CDC42BPA: variants seen among roughly 807,000 people sequenced by gnomAD.
CDC42BPA encodes the protein CDC42 binding protein kinase alpha.
A neutral mutation model predicts 223.5 loss-of-function variants in CDC42BPA; 80 were observed. The observed-to-expected ratio is 0.36, with a 90% CI of 0.30 to 0.43. The LOEUF (loss-of-function observed/expected upper bound fraction) is 0.43. Ranked by LOEUF, CDC42BPA falls within the 20% of genes least tolerant of loss-of-function variation. CDC42BPA has a pLI of 1.00. For synonymous variants in CDC42BPA, 694 were observed against 718.6 expected, an observed-to-expected ratio of 0.97 and a Z score of 0.55; for missense variants, 1,743 against 2,099.9, an observed-to-expected ratio of 0.83 and a Z score of 3.32.
chr1:227,071,487 G>A (rs1678325657), intron 20 of CDC42BPA, among the ~76,000 whole-genome samples: 1 of 151,708 alleles, frequency 6.6e-6, no homozygotes, highest in Non-Finnish European at 1.5e-5. Flanking sequence ...CAGCTATGAA[G>A]CACTCTGACT....
intron 15 of CDC42BPA, among the ~76,000 whole-genome samples, chr1:227,092,868 G>A (rs1683330691): frequency 6.6e-6 from 1 of 152,066 alleles, no homozygotes; most frequent in South Asian, 2.1e-4. Flanking sequence ...CTGAGAGGCA[G>A]CTAGCTGCAG....
intron 4 of CDC42BPA, among the ~76,000 whole-genome samples, chr1:227,194,140 A>T (rs1470259946): frequency 1.3e-5 from 2 of 152,202 alleles, no homozygotes; most frequent in Non-Finnish European, 2.9e-5. Flanking sequence ...AAATTTTTAA[A>T]GACTGGGGCA....
In CDC42BPA at chr1:227,317,790, G is replaced by A. The variant is rs1489395302; in HGVS notation, c.-608C>T. 1.8e-5 allele frequency: 7 copies of A among 398,576 alleles called. No homozygotes were observed. The highest frequency in any genetic ancestry group is 1.4e-4 in the African/African-American group (7 of 48,648). The allele number at this position is 398,576 out of a possible 1,614,324, so 24.7% of individuals were successfully genotyped here. A position where few individuals can be genotyped will look rare whatever the true frequency, so the allele number is the denominator to read the frequency against. ...AAAGGGAGGGGGCGAGGTCCCTGAA[G>A]CAGCCCCTCGGCTCGGAGCACGCCA... On this transcript the variant is annotated 5_prime_UTR_variant, in exon 1 of 37. Transcript: ENST00000366766.
At chr1:227,016,320 G>A (rs1250762381) in intron 33 of CDC42BPA, 123 bp from the exon 34 acceptor site, 1 of 672,570 alleles carries the variant, frequency 1.5e-6, no homozygotes, top group Non-Finnish European at 2.6e-6. Flanking sequence ...TAAGAATATA[G>A]AGTAACAGAA....
intron 16 of CDC42BPA, among the ~76,000 whole-genome samples, chr1:227,083,098 G>C (rs555337077): frequency 6.6e-6 from 1 of 152,134 alleles, no homozygotes; most frequent in South Asian, 2.1e-4. Context: ...GTTTCTCATA[G>C]GTTTGGAAAA....
intron 1 of CDC42BPA, among the ~76,000 whole-genome samples, chr1:227,275,253 C>A (rs1686725946): frequency 1.3e-5 from 2 of 151,526 alleles, no homozygotes; most frequent in South Asian, 4.2e-4. Context: ...AAGCAGAGGG[C>A]ATTTAGAATG....
chr1:227,206,633 A>G lies in CDC42BPA; in HGVS notation c.354+6503T>C, dbSNP rs1672773136. ...AAGTCATGGTCAGAAGGATTTTTAG[A>G]AATGTTTTTGTTTTTAAAAAGATCT... is the stretch of plus-strand genomic sequence containing the variant. On this transcript the variant is annotated intron_variant, in intron 3 of 36. Coordinates refer to ENST00000366766, the MANE Select transcript of CDC42BPA (RefSeq NM_001394014.1). 2.0e-5 allele frequency among the ~76,000 whole-genome samples: 3 copies of G among 152,246 alleles called. No individual in the cohort carries two copies. The South Asian group carries it at 6.2e-4, about 32-fold the overall frequency.
intron 16 of CDC42BPA, among the ~76,000 whole-genome samples, chr1:227,082,332 C>T (rs1680864274): frequency 6.6e-6 from 1 of 152,110 alleles, no homozygotes; most frequent in Admixed American, 6.5e-5. Flanking sequence ...CAGGCATGCA[C>T]CAGCATGCCT....
chr1:227,106,508 T>A (rs542041029), intron 14 of CDC42BPA, among the ~76,000 whole-genome samples: 70 of 152,318 alleles, frequency 4.6e-4, no homozygotes, highest in African/African-American at 1.6e-3. Flanking sequence ...AACGTTGGTC[T>A]GTAATTTTGT....
intron 33 of CDC42BPA, among the ~76,000 whole-genome samples, chr1:227,016,416 T>A (rs947051742): frequency 3.3e-5 from 5 of 152,228 alleles, no homozygotes; most frequent in African/African-American, 1.2e-4. Flanking sequence ...TAGTAGAGGA[T>A]CTTTTTAAAT....
intron 2 of CDC42BPA, among the ~76,000 whole-genome samples, chr1:227,253,240 A>AAGAGAGTGAGAG (rs1277432674): frequency 7.0e-6 from 1 of 143,080 alleles, no homozygotes; most frequent in Admixed American, 7.0e-5. Flanking sequence ...GAGAGAGAGA[A>AAGAGAGTGAGAG]AGAGAGCGAG....
chr1:227,083,493 C>G (rs6681424), intron 16 of CDC42BPA, among the ~76,000 whole-genome samples: 43,084 of 151,910 alleles, frequency 0.28, 6,324 homozygotes, highest in African/African-American at 0.35. Flanking sequence ...TTTCATACTG[C>G]GAACTCCTGC....
chr1:227,272,445 C>CT (rs1686113849), intron 1 of CDC42BPA, among the ~76,000 whole-genome samples: 1 of 151,704 alleles, frequency 6.6e-6, no homozygotes, highest in African/African-American at 2.4e-5. Flanking sequence ...TAAAAATACT[C>CT]TAAGTTAAAA....
intron 1 of CDC42BPA, among the ~76,000 whole-genome samples, chr1:227,289,905 G>T (rs1323811903): frequency 1.2e-5 from 1 of 83,666 alleles, no homozygotes; most frequent in Non-Finnish European, 2.6e-5. Flanking sequence ...AAAAAAAAAA[G>T]CTAGGCATGG....
intron 1 of CDC42BPA, among the ~76,000 whole-genome samples, chr1:227,300,041 T>G (rs1691344894): frequency 6.6e-6 from 1 of 152,144 alleles, no homozygotes; most frequent in Admixed American, 6.5e-5. Flanking sequence ...AAAACAGACA[T>G]GTAGGGAAGA....
chr1:227,271,259 G>T (rs182610852), intron 1 of CDC42BPA, among the ~76,000 whole-genome samples: 1 of 152,056 alleles, frequency 6.6e-6, no homozygotes, highest in Non-Finnish European at 1.5e-5. Context: ...ATCTAATGGT[G>T]AGCTAATGAC....
intron 24 of CDC42BPA, among the ~76,000 whole-genome samples, chr1:227,038,441 G>A (rs1485049987): frequency 6.6e-6 from 1 of 152,192 alleles, no homozygotes; most frequent in Non-Finnish European, 1.5e-5. Flanking sequence ...TTTAAGAAGG[G>A]ATAAGATGAT....
intron 15 of CDC42BPA, among the ~76,000 whole-genome samples, chr1:227,100,777 T>TGTGTGTGTGTGTGTGTGTGTGTGC (rs777124731): frequency 4.7e-5 from 6 of 128,510 alleles, no homozygotes; most frequent in Non-Finnish European, 8.2e-5. Flanking sequence ...TGTGTGTGTG[T>TGTGTGTGTGTGTGTGTGTGTGTGC]GCGTGTGCCA....
At chr1:227,276,466 G>A (rs912798594) in intron 1 of CDC42BPA, among the ~76,000 whole-genome samples, 2 of 150,654 alleles carry the variant, frequency 1.3e-5, no homozygotes, top group African/African-American at 4.9e-5. Flanking sequence ...GGCAGCCCCC[G>A]CTCGGCCAGC....
Sources: allele counts gnomAD v4.1 joint callset (sites outside exome capture counted in the v4.1 genomes callset), GRCh38; gene constraint gnomAD v4.1.1; transcripts MANE v1.5; gene names NCBI Gene and HGNC (gene_info 2026-07-23, HGNC 2026-07-21).